The following AGBL1 variants were observed in gnomAD, a reference collection of about 807,000 sequenced individuals.
AGBL1 encodes AGBL carboxypeptidase 1.
Under a neutral mutation model 118.9 loss-of-function variants are expected in AGBL1, and 130 were observed. The observed-to-expected ratio is 1.09, with a 90% CI of 0.95 to 1.26. AGBL1 has a LOEUF of 1.26. Among genes scored for constraint, AGBL1 ranks in the 50% most tolerant of loss-of-function variants. The pLI, the probability that AGBL1 is intolerant of heterozygous loss-of-function variation, is 0.00. For synonymous variants in AGBL1, 555 were observed against 478.9 expected (o/e 1.16, Z -2.08); for missense variants, 1,584 against 1,298.1 (o/e 1.22, Z -3.38).
At chr15:86,263,368 T>C (rs760253656) in intron 10 of AGBL1, among the ~76,000 whole-genome samples, 1 of 152,192 alleles carries the variant, frequency 6.6e-6, no homozygotes, top group Non-Finnish European at 1.5e-5. Flanking sequence ...GGCTAAACCA[T>C]CTAAGTTGGT....
chr15:86,762,715 T>C (rs1339439733), intron 22 of AGBL1, among the ~76,000 whole-genome samples: 1 of 151,888 alleles, frequency 6.6e-6, no homozygotes, highest in Admixed American at 6.6e-5. Context: ...TTTAGAGAAG[T>C]TACATTTGGT....
At chr15:86,824,558 GTT>G (rs58610105) in intron 22 of AGBL1, among the ~76,000 whole-genome samples, 37,577 of 150,660 alleles carry the variant, frequency 0.25, 5,755 homozygotes, top group Non-Finnish European at 0.36. Context: ...ATCCCAGGAA[GTT>G]TTTTTTTTTC....
chr15:86,563,533 T>A lies in AGBL1; in HGVS notation c.2994+8996T>A, dbSNP rs941372252. Among the ~76,000 whole-genome samples, 25 of 150,576 alleles carry A rather than the reference T, an allele frequency of 1.7e-4. 1 individual carries two copies. The highest frequency in any genetic ancestry group is 6.1e-4 in the African/African-American group (25 of 40,828). On this transcript the variant is annotated intron_variant, in intron 21 of 22. Coordinates refer to ENST00000614907, the MANE Select transcript of AGBL1 (RefSeq NM_001386094.1). ...CAGTTTGTTATAATTTCTGTTCTTT[T>A]ACATTTGCTGAGAAGTGCTTTACTT...
chr15:86,939,688 G>C (rs1388040276), intron 23 of AGBL1: 1 of 152,220 alleles, frequency 6.6e-6, no homozygotes, highest in Non-Finnish European at 1.5e-5. Context: ...TTTCCCTGCA[G>C]ATATGCCAAC....
At chr15:86,214,843 C>G (rs2078158681) in intron 5 of AGBL1, among the ~76,000 whole-genome samples, 1 of 152,222 alleles carries the variant, frequency 6.6e-6, no homozygotes, top group Non-Finnish European at 1.5e-5. Context: ...CAGGCAGTAG[C>G]CATCCTCTGT....
At chr15:87,013,222 A>C (rs1028573811) in intron 24 of AGBL1, among the ~76,000 whole-genome samples, 1 of 152,170 alleles carries the variant, frequency 6.6e-6, no homozygotes, top group East Asian at 1.9e-4. Flanking sequence ...ATCATAAAAA[A>C]CTTTCAAATT....
chr15:86,966,878 C>T (rs1294756947), intron 23 of AGBL1, among the ~76,000 whole-genome samples: 2 of 152,066 alleles, frequency 1.3e-5, no homozygotes, highest in East Asian at 1.9e-4. Context: ...ATTTCTAGTT[C>T]TAGATCCCCG....
intron 21 of AGBL1, among the ~76,000 whole-genome samples, chr15:86,600,793 T>A (rs1198687686): frequency 6.6e-6 from 1 of 152,010 alleles, no homozygotes; most frequent in East Asian, 1.9e-4. Context: ...TCAGAGAATA[T>A]AAAAGAGAGA....
intron 1 of AGBL1, among the ~76,000 whole-genome samples, chr15:86,128,394 A>G (rs956139347): frequency 1.3e-5 from 2 of 152,232 alleles, no homozygotes; most frequent in African/African-American, 2.4e-5. Flanking sequence ...GGTGGGGATT[A>G]CTACAATTCA....
chr15:87,010,785 C>T (rs558473442), intron 24 of AGBL1, among the ~76,000 whole-genome samples: 1 of 152,326 alleles, frequency 6.6e-6, no homozygotes, highest in African/African-American at 2.4e-5. Context: ...TTCATAATGA[C>T]AAGAGCAAAT....
chr15:86,574,825 TC>T, intron 21 of AGBL1, among the ~76,000 whole-genome samples: 1 of 150,830 alleles, frequency 6.6e-6, no homozygotes, highest in Non-Finnish European at 1.5e-5. Context: ...TGACCTACCG[TC>T]CTTGGCCTCC....
At chr15:86,667,246 G>GTATC (rs1414744675) in intron 21 of AGBL1, among the ~76,000 whole-genome samples, 3 of 113,892 alleles carry the variant, frequency 2.6e-5, no homozygotes, top group African/African-American at 9.5e-5. Flanking sequence ...ATGTATGTAT[G>GTATC]TATGTATGTA....
chr15:86,820,460 T>C (rs1195322945), intron 22 of AGBL1, among the ~76,000 whole-genome samples: 3 of 151,586 alleles, frequency 2.0e-5, no homozygotes, highest in Admixed American at 1.3e-4. Context: ...AACAATCCCA[T>C]CAAAAAGGAA....
intron 21 of AGBL1, among the ~76,000 whole-genome samples, chr15:86,647,873 A>C (rs1005964153): frequency 2.0e-4 from 30 of 152,260 alleles, no homozygotes; most frequent in African/African-American, 6.5e-4. Context: ...TTGGGTGATA[A>C]TTTGAATATG....
chr15:86,924,701 T>C (rs1190867698), intron 23 of AGBL1, among the ~76,000 whole-genome samples: 1 of 152,180 alleles, frequency 6.6e-6, no homozygotes, highest in African/African-American at 2.4e-5. Flanking sequence ...CATCACTTTT[T>C]GGCAGCGGAT....
chr15:86,447,321 G>T (rs1321967360), intron 18 of AGBL1, among the ~76,000 whole-genome samples: 2 of 152,212 alleles, frequency 1.3e-5, no homozygotes, highest in African/African-American at 4.8e-5. Context: ...AGTGGATAAA[G>T]ATGTGTGAGC....
chr15:86,928,975 A>G (rs1161345024), intron 23 of AGBL1, among the ~76,000 whole-genome samples: 2 of 152,150 alleles, frequency 1.3e-5, no homozygotes, highest in Non-Finnish European at 2.9e-5. Context: ...TGCAACTATT[A>G]TCTCCAGAAC....
At position 86,224,722 on chromosome 15, in the gene AGBL1, C is replaced by T. The variant is rs75407203; in HGVS notation, c.489-192C>T. 8.0e-3 allele frequency among the ~76,000 whole-genome samples: 1,222 copies of T among 152,242 alleles called. 16 individuals are homozygous for T. The highest frequency in any genetic ancestry group is 0.021 in the African/African-American group (857 of 41,542). On this transcript the variant is annotated intron_variant, in intron 5 of 22. Coordinates refer to ENST00000614907, the MANE Select transcript of AGBL1 (RefSeq NM_001386094.1). ...GGACCTCAGAGACCCATCTACAAGA[C>T]GGACACTTCGCTCAGCGTTATTTCT...
At chr15:86,313,454 A>G (rs986926612) in intron 17 of AGBL1, among the ~76,000 whole-genome samples, 2 of 152,220 alleles carry the variant, frequency 1.3e-5, no homozygotes, top group African/African-American at 2.4e-5. Flanking sequence ...AAGAATCCTT[A>G]TCTTAATTTC....
Sources: allele counts gnomAD v4.1 joint callset (sites outside exome capture counted in the v4.1 genomes callset), GRCh38; gene constraint gnomAD v4.1.1; transcripts MANE v1.5; gene names NCBI Gene and HGNC (gene_info 2026-07-23, HGNC 2026-07-21).